The following ADGRB3 variants were observed in gnomAD, a reference collection of about 807,000 sequenced individuals.
The protein encoded by ADGRB3 is adhesion G protein-coupled receptor B3.
In ADGRB3, 37 loss-of-function variants were observed where a neutral mutation model predicts 193.4. That is an observed-to-expected ratio of 0.19 (90% CI 0.15 to 0.25). ADGRB3 has a LOEUF of 0.25. Ranked by LOEUF, ADGRB3 falls within the 10% of genes least tolerant of loss-of-function variation. The probability of loss-of-function intolerance (pLI) is 1.00; values close to 1 mark genes in which losing one functional copy is unlikely to be tolerated. For synonymous variants in ADGRB3, 690 were observed against 644.2 expected (o/e 1.07, Z -1.08); for missense variants, 1,637 against 1,852.9 (o/e 0.88, Z 2.14).
intron 17 of ADGRB3, among the ~76,000 whole-genome samples, chr6:69,161,361 A>G (rs1488845072): frequency 6.6e-6 from 1 of 152,078 alleles, no homozygotes; most frequent in African/African-American, 2.4e-5. Context: ...GAGAACAAAG[A>G]TTTATCAAAA....
At chr6:68,662,983 G>T (rs879472632) in intron 3 of ADGRB3, among the ~76,000 whole-genome samples, 3 of 150,714 alleles carry the variant, frequency 2.0e-5, no homozygotes, top group Non-Finnish European at 4.4e-5. Flanking sequence ...TGGTTAAATA[G>T]ATAATAACTT....
chr6:68,960,844 G>T (rs1768212839), intron 8 of ADGRB3, among the ~76,000 whole-genome samples: 1 of 152,074 alleles, frequency 6.6e-6, no homozygotes, highest in Non-Finnish European at 1.5e-5. Flanking sequence ...CTGAGAATCT[G>T]CATTTTTATG....
intron 3 of ADGRB3, among the ~76,000 whole-genome samples, chr6:68,818,839 TTC>T (rs1467558705): frequency 6.6e-6 from 1 of 152,092 alleles, no homozygotes; most frequent in African/African-American, 2.4e-5. Context: ...CTTGTAGTCT[TTC>T]TCTCTTTCAA....
At chr6:69,099,429 A>G (rs1772971040) in intron 17 of ADGRB3, among the ~76,000 whole-genome samples, 1 of 152,150 alleles carries the variant, frequency 6.6e-6, no homozygotes, top group Non-Finnish European at 1.5e-5. Context: ...TATATGTATG[A>G]CAATTATGTG....
intron 10 of ADGRB3, 133 bp from the exon 11 acceptor site, chr6:68,993,635 T>C: frequency 4.4e-6 from 4 of 918,730 alleles, no homozygotes; most frequent in Non-Finnish European, 6.6e-6. Context: ...ATTTACAGTT[T>C]TCAAATCCTC....
At chr6:69,153,775 C>T (rs1234790892) in intron 17 of ADGRB3, among the ~76,000 whole-genome samples, 5 of 152,006 alleles carry the variant, frequency 3.3e-5, no homozygotes, top group East Asian at 1.9e-4. Context: ...GGGCGGATCA[C>T]GAGGTCAGGA....
chr6:68,897,797 GAAAC>G (rs1400817569), intron 3 of ADGRB3, among the ~76,000 whole-genome samples: 2 of 138,856 alleles, frequency 1.4e-5, no homozygotes, highest in Non-Finnish European at 3.0e-5. Context: ...GGGGGAAAGA[GAAAC>G]AGAAAGAAAG....
intron 3 of ADGRB3, among the ~76,000 whole-genome samples, chr6:68,663,728 C>A (rs563588081): frequency 7.2e-5 from 11 of 151,912 alleles, no homozygotes; most frequent in African/African-American, 2.4e-4. Flanking sequence ...TATCAATGAG[C>A]AAGTTGCCTT....
intron 3 of ADGRB3, among the ~76,000 whole-genome samples, chr6:68,722,521 C>T (rs1765601625): frequency 6.6e-6 from 1 of 151,340 alleles, no homozygotes; most frequent in Non-Finnish European, 1.5e-5. Context: ...TTGTGGCTGC[C>T]ACAAAACTTC....
At chr6:68,700,860 T>G (rs1179113367) in intron 3 of ADGRB3, among the ~76,000 whole-genome samples, 1 of 148,606 alleles carries the variant, frequency 6.7e-6, no homozygotes, top group Non-Finnish European at 1.5e-5. Flanking sequence ...TTAGGAGATA[T>G]ACCTAATGTA....
intron 8 of ADGRB3, among the ~76,000 whole-genome samples, chr6:68,961,253 T>A (rs1407239720): frequency 6.6e-6 from 1 of 152,070 alleles, no homozygotes; most frequent in African/African-American, 2.4e-5. Context: ...CAATCCTCAT[T>A]TTTCCTCTAC....
chr6:69,043,651 C>T (rs1445107338), intron 13 of ADGRB3, among the ~76,000 whole-genome samples: 1 of 152,228 alleles, frequency 6.6e-6, no homozygotes, highest in Non-Finnish European at 1.5e-5. Flanking sequence ...AAGCACCAAA[C>T]ACTGTTCTAG....
chr6:69,330,564 G>C lies in ADGRB3; in HGVS notation c.3094G>C (p.Val1032Leu). 1 of 1,606,200 alleles carries C rather than the reference G, an allele frequency of 6.2e-7. No homozygotes were observed. Among genetic ancestry groups the C allele is most frequent in the Non-Finnish European group, 8.5e-7 (1 of 1,175,934 alleles). Residue 1032 changes from valine to leucine, a missense_variant, in exon 23 of 32, where the codon GTT becomes CTT. Val to Leu is a conservative substitution (Grantham distance 32, BLOSUM62 1). Around this residue, in one of 7 missense-constraint regions of ADGRB3, gnomAD observed 87 missense variants for 161.0 expected, o/e 0.54. Coordinates refer to ENST00000370598, the MANE Select transcript of ADGRB3 (RefSeq NM_001704.3). Reference protein sequence around the residue: ...LYAFVGPAAAVVLVNMVIGIL... With the variant: ...LYAFVGPAAALVLVNMVIGIL... ...TGCTTTTGTGGGACCTGCAGCCGCT[G>C]TTGTCCTGGTAAACATCAAAATCAA...
rs189203339 is a variant in ADGRB3 at position 69,251,966 on chromosome 6, A to T, written c.2814+12740A>T. On this transcript the variant is annotated intron_variant, in intron 20 of 31. Transcript: ENST00000370598. ...TGCACACTACATACATAATATGATG[A>T]GGTTGGACCAATATATACTTATGTA... is the stretch of plus-strand genomic sequence containing the variant. Among the ~76,000 whole-genome samples, 6 of 152,268 alleles carry T rather than the reference A, an allele frequency of 3.9e-5. No individual in the cohort carries two copies. The East Asian group carries it at 1.2e-3, about 29-fold the overall frequency.
intron 17 of ADGRB3, among the ~76,000 whole-genome samples, chr6:69,181,700 G>T (rs1197725430): frequency 6.6e-6 from 1 of 152,116 alleles, no homozygotes; most frequent in Non-Finnish European, 1.5e-5. Context: ...CTTCGTCAAT[G>T]ATTACTATCT....
intron 3 of ADGRB3, among the ~76,000 whole-genome samples, chr6:68,748,368 C>A (rs567169735): frequency 2.0e-5 from 3 of 152,084 alleles, no homozygotes. Context: ...GATATAATGG[C>A]GGTACAGGTA....
At chr6:68,638,003 C>A (rs777945331) in intron 2 of ADGRB3, among the ~76,000 whole-genome samples, 1 of 152,184 alleles carries the variant, frequency 6.6e-6, no homozygotes, top group Non-Finnish European at 1.5e-5. Context: ...ATTAACTAAT[C>A]CACATGAATG....
At chr6:69,354,366 T>C in intron 27 of ADGRB3, 38 bp downstream of exon 27, 1 of 1,512,968 alleles carries the variant, frequency 6.6e-7, no homozygotes, top group Non-Finnish European at 9.2e-7. Context: ...AATTAACTCA[T>C]GATTTCTCAA....
chr6:69,325,133 A>G lies in ADGRB3; in HGVS notation c.2965+111A>G, dbSNP rs931118343. On this transcript the variant is annotated intron_variant, in intron 21 of 31. Transcript: ENST00000370598. ...GGCTACTTTGTGTCTAATTTAATCT[A>G]TGGAAGTGAAAATACATGAGCTGGT... 3 of 1,353,184 alleles carry G rather than the reference A, an allele frequency of 2.2e-6. 1 individual carries two copies. The South Asian group carries it at 4.5e-5, about 20-fold the overall frequency. The allele number at this position is 1,353,184 out of a possible 1,614,324, so 83.8% of individuals were successfully genotyped here. A position where few individuals can be genotyped will look rare whatever the true frequency, so the allele number is the denominator to read the frequency against.
Sources: gnomAD v4.1 joint callset for allele counts (sites outside exome capture counted in the v4.1 genomes callset) on GRCh38, gnomAD v4.1.1 for gene constraint, gnomAD v4.1.1 regional missense constraint, MANE v1.5 for transcripts, NCBI Gene and HGNC (gene_info 2026-07-23, HGNC 2026-07-21) for gene names.